Variants in ST8SIA1 observed in about 807,000 individuals in gnomAD.
ST8SIA1 encodes alpha-N-acetylneuraminide alpha-2,8-sialyltransferase.
In ST8SIA1, 16 loss-of-function variants were observed where a neutral mutation model predicts 35.9. The observed-to-expected ratio is 0.45, with a 90% CI of 0.30 to 0.68. ST8SIA1 has a LOEUF of 0.68. Ranked by LOEUF, ST8SIA1 falls within the 30% of genes least tolerant of loss-of-function variation. The pLI, the probability that ST8SIA1 is intolerant of heterozygous loss-of-function variation, is 0.09. For missense variants in ST8SIA1, 383 were observed against 453.6 expected (o/e 0.84, Z 1.41); for synonymous variants, 170 against 169.6 (o/e 1.00, Z -0.02).
chr12:22,260,448 G>A (rs914369172), intron 2 of ST8SIA1, among the ~76,000 whole-genome samples: 3 of 152,106 alleles, frequency 2.0e-5, no homozygotes, highest in African/African-American at 7.2e-5. Flanking sequence ...ATGAGCCACC[G>A]CGCCCAGCCT....
At chr12:22,252,628 C>T (rs561905524) in intron 3 of ST8SIA1, among the ~76,000 whole-genome samples, 2 of 152,302 alleles carry the variant, frequency 1.3e-5, no homozygotes, top group East Asian at 1.9e-4. Context: ...ATTTTAGAAA[C>T]ATTATGCTTA....
At chr12:22,232,481 A>G (rs962683430) in intron 4 of ST8SIA1, among the ~76,000 whole-genome samples, 6 of 152,192 alleles carry the variant, frequency 3.9e-5, no homozygotes, top group Non-Finnish European at 8.8e-5. Flanking sequence ...AGGTTTGCAG[A>G]AAAGGGGGAA....
rs1865042458 is a variant in ST8SIA1 at position 22,200,943 on chromosome 12, A to G, written c.*609T>C. ...GAGGAAGAAGCAATTCTTATGTAAA[A>G]TTTTAAAAATAGAGGGGAGCTATAG... On this transcript the variant is annotated 3_prime_UTR_variant, in exon 5 of 5. Coordinates refer to ENST00000396037, the MANE Select transcript of ST8SIA1 (RefSeq NM_003034.4). 1 of 152,166 alleles carries G rather than the reference A, an allele frequency of 6.6e-6. No individual in the cohort carries two copies. 9.4% of individuals were successfully genotyped at this position (152,166 alleles called of 1,614,324 possible).
At chr12:22,273,797 A>T (rs2135808001) in intron 2 of ST8SIA1, among the ~76,000 whole-genome samples, 1 of 152,304 alleles carries the variant, frequency 6.6e-6, no homozygotes, top group South Asian at 2.1e-4. Flanking sequence ...AATCTCTACC[A>T]TGTCTCAAGC....
chr12:22,224,383 C>G (rs965639897), intron 4 of ST8SIA1, among the ~76,000 whole-genome samples: 2 of 151,066 alleles, frequency 1.3e-5, no homozygotes, highest in African/African-American at 4.9e-5. Context: ...AATCTCTGGT[C>G]ACTGCAACTT....
At chr12:22,224,093 C>T (rs866927208) in intron 4 of ST8SIA1, among the ~76,000 whole-genome samples, 9 of 152,092 alleles carry the variant, frequency 5.9e-5, no homozygotes, top group African/African-American at 1.9e-4. Flanking sequence ...GCATTGTTAT[C>T]ATTTCTCTTT....
intron 1 of ST8SIA1, chr12:22,325,531 C>CA (rs1488813590): frequency 7.1e-6 from 5 of 700,284 alleles, no homozygotes; most frequent in Admixed American, 4.0e-5. Flanking sequence ...CCAAAACAGT[C>CA]AAACTGTAAG....
Position 22,196,687 on chromosome 12 carries a change from T to C in ST8SIA1, c.*4865A>G, listed in dbSNP as rs1864992543. 1 of 152,156 alleles carries C rather than the reference T, an allele frequency of 6.6e-6. No individual in the cohort carries two copies. Among genetic ancestry groups the C allele is most frequent in the Admixed American group, 6.5e-5 (1 of 15,272 alleles). 9.4% of individuals were successfully genotyped at this position (152,156 alleles called of 1,614,324 possible). A position where few individuals can be genotyped will look rare whatever the true frequency, so the allele number is the denominator to read the frequency against. On this transcript the variant is annotated 3_prime_UTR_variant, in exon 5 of 5. Transcript: ENST00000396037. ...TCCCTAGCTTCAAGGACTCAGACTA[T>C]CCATATGAATGAGGGGGAAAAGTTC...
intron 2 of ST8SIA1, among the ~76,000 whole-genome samples, chr12:22,257,552 C>T (rs553803986): frequency 6.6e-6 from 1 of 151,738 alleles, no homozygotes; most frequent in Admixed American, 6.6e-5. Context: ...ATAGGGTGAT[C>T]AGGGAGGAGT....
chr12:22,290,889 T>C (rs1203895945), intron 1 of ST8SIA1, among the ~76,000 whole-genome samples: 1 of 152,152 alleles, frequency 6.6e-6, no homozygotes, highest in African/African-American at 2.4e-5. Context: ...AATAAGAGGA[T>C]CAAAAAAGCT....
intron 2 of ST8SIA1, among the ~76,000 whole-genome samples, chr12:22,270,769 A>G (rs1865903719): frequency 6.6e-6 from 1 of 152,220 alleles, no homozygotes; most frequent in South Asian, 2.1e-4. Flanking sequence ...CAGTATATCC[A>G]TGGAACAAAA....
chr12:22,219,590 C>T (rs1214237062), intron 4 of ST8SIA1, among the ~76,000 whole-genome samples: 1 of 152,106 alleles, frequency 6.6e-6, no homozygotes, highest in Non-Finnish European at 1.5e-5. Flanking sequence ...TGTTGTCTAC[C>T]ACAAGCCACA....
intron 2 of ST8SIA1, among the ~76,000 whole-genome samples, chr12:22,256,379 C>T (rs1410971968): frequency 2.6e-5 from 4 of 152,194 alleles, no homozygotes; most frequent in East Asian, 1.9e-4. Flanking sequence ...ATGCGTCATT[C>T]GGCCACTTCT....
chr12:22,253,390 C>T (rs1431103520), intron 3 of ST8SIA1, among the ~76,000 whole-genome samples: 1 of 152,186 alleles, frequency 6.6e-6, no homozygotes, highest in African/African-American at 2.4e-5. Context: ...ACCTCTCTGG[C>T]TCCATCTCAA....
At chr12:22,215,322 C>A (rs1034402118) in intron 4 of ST8SIA1, among the ~76,000 whole-genome samples, 1 of 152,202 alleles carries the variant, frequency 6.6e-6, no homozygotes, top group African/African-American at 2.4e-5. Flanking sequence ...ATTCACACTC[C>A]TAGCAATTAT....
At chr12:22,322,265 C>T (rs1273238942) in intron 1 of ST8SIA1, among the ~76,000 whole-genome samples, 1 of 152,220 alleles carries the variant, frequency 6.6e-6, no homozygotes, top group East Asian at 1.9e-4. Context: ...AATGTTGCTG[C>T]TCCTTTCCCA....
intron 1 of ST8SIA1, among the ~76,000 whole-genome samples, chr12:22,332,406 T>C (rs1866779019): frequency 6.6e-6 from 1 of 152,114 alleles, no homozygotes; most frequent in Non-Finnish European, 1.5e-5. Flanking sequence ...TTATTCCTCC[T>C]CCTATATTAA....
intron 1 of ST8SIA1, among the ~76,000 whole-genome samples, chr12:22,294,328 C>T (rs1036176877): frequency 6.6e-6 from 1 of 152,074 alleles, no homozygotes. Context: ...TATTGGTTCC[C>T]TGCAGTAGGT....
chr12:22,294,114 A>AAT (rs1866214562), intron 1 of ST8SIA1, among the ~76,000 whole-genome samples: 1 of 152,140 alleles, frequency 6.6e-6, no homozygotes, highest in African/African-American at 2.4e-5. Context: ...AAGTGGCAGA[A>AAT]GCTGCTCTGA....
Sources: gnomAD v4.1 joint callset for allele counts (sites outside exome capture counted in the v4.1 genomes callset) on GRCh38, gnomAD v4.1.1 for gene constraint, MANE v1.5 for transcripts, NCBI Gene and HGNC (gene_info 2026-07-23, HGNC 2026-07-21) for gene names.